The following FRY variants were observed in gnomAD, a reference collection of about 807,000 sequenced individuals.
FRY encodes FRY microtubule binding protein.
FRY carries 128 observed loss-of-function variants against 348.4 expected under a neutral mutation model. That is an observed-to-expected ratio of 0.37 (90% CI 0.32 to 0.43). The LOEUF (loss-of-function observed/expected upper bound fraction) is 0.43, where lower values mean the gene tolerates loss of function less well. Among genes scored for constraint, FRY ranks in the 20% least tolerant of loss-of-function variants. FRY has a pLI of 1.00. For missense variants in FRY, 2,736 were observed against 3,695.2 expected (o/e 0.74, Z 6.73); for synonymous variants, 1,370 against 1,374.7 (o/e 1.00, Z 0.08).
At chr13:32,266,706 A>G (rs1265760405) in intron 54 of FRY, among the ~76,000 whole-genome samples, 1 of 152,228 alleles carries the variant, frequency 6.6e-6, no homozygotes, top group Non-Finnish European at 1.5e-5. Context: ...ACCTCTTGCC[A>G]GGTGCGGTGG....
At chr13:32,253,862 T>C (rs146469995) in intron 50 of FRY, among the ~76,000 whole-genome samples, 1 of 152,334 alleles carries the variant, frequency 6.6e-6, no homozygotes, top group East Asian at 1.9e-4. Context: ...TATATGTGTG[T>C]AAACATGTAT....
chr13:32,121,709 T>G (rs1016388044), intron 4 of FRY, among the ~76,000 whole-genome samples: 1 of 152,214 alleles, frequency 6.6e-6, no homozygotes, highest in African/African-American at 2.4e-5. Context: ...TTGTGAAGAT[T>G]TTCTCCCACT....
rs1889522215 is a variant in FRY, at chr13:32,294,333, T to C, written c.8581-35T>C. 3 of 1,496,830 alleles carry C rather than the reference T, an allele frequency of 2.0e-6. No individual in the cohort carries two copies. In the Admixed American group the frequency reaches 5.1e-5, roughly 25 times the overall value. 92.7% of individuals were successfully genotyped at this position (1,496,830 alleles called of 1,614,324 possible). A position where few individuals can be genotyped will look rare whatever the true frequency, so the allele number is the denominator to read the frequency against. On this transcript the variant is annotated intron_variant, in intron 59 of 60. Coordinates refer to ENST00000542859, the MANE Select transcript of FRY (RefSeq NM_023037.3). ...TGGGATGTAAAATTCCCCCAGCACC[T>C]AAATATAGTTTAAAAAACATTTTTT...
intron 17 of FRY, among the ~76,000 whole-genome samples, chr13:32,163,991 T>G (rs1443015260): frequency 6.6e-6 from 1 of 152,164 alleles, no homozygotes; most frequent in African/African-American, 2.4e-5. Context: ...GGGAAACCCA[T>G]GAAGGGACCT....
intron 50 of FRY, 40 bp downstream of exon 50, chr13:32,251,992 T>C (rs915019387): frequency 1.5e-6 from 2 of 1,331,312 alleles, no homozygotes; most frequent in Admixed American, 3.4e-5. Context: ...TGGTGTCATA[T>C]CTCCTTTTTC....
In FRY at chr13:32,178,393, G is replaced by A; in HGVS notation, c.2638G>A (p.Ala880Thr). The A allele has an allele frequency of 6.2e-7, 1 of 1,614,150 alleles. No homozygotes were observed. Among genetic ancestry groups the A allele is most frequent in the Non-Finnish European group, 8.5e-7 (1 of 1,180,000 alleles). ...PTALSYAWPY[A>T]FTRLQSVMPL... ...AGCCCTCAGCTATGCCTGGCCTTAT[G>A]CCTTCACTCGGCTCCAGTCGGTGAT... Residue 880 changes from alanine to threonine, a missense_variant, in exon 21 of 61, where the codon GCC (alanine) becomes ACC (threonine). This residue lies in a region of FRY where 449 missense variants were observed against 576.9 expected (regional missense o/e 0.78). Coordinates refer to ENST00000542859, the MANE Select transcript of FRY (RefSeq NM_023037.3).
intron 36 of FRY, among the ~76,000 whole-genome samples, chr13:32,222,111 T>C (rs1195148119): frequency 1.3e-5 from 2 of 151,996 alleles, no homozygotes; most frequent in African/African-American, 4.8e-5. Context: ...AAGGTGATAT[T>C]AGGGCAGAGA....
At chr13:32,163,162 A>G (rs969539651) in intron 17 of FRY, among the ~76,000 whole-genome samples, 1 of 152,262 alleles carries the variant, frequency 6.6e-6, no homozygotes, top group East Asian at 1.9e-4. Flanking sequence ...TGCTGTGGAC[A>G]GCATTGGAGA....
At chr13:32,247,839 T>C (rs2025416) in intron 48 of FRY, among the ~76,000 whole-genome samples, 41,797 of 152,152 alleles carry the variant, frequency 0.27, 6,101 homozygotes, top group Non-Finnish European at 0.31. Context: ...ATCCACAATG[T>C]TTCTCCCTGA....
chr13:32,186,518 A>G (rs35089909), intron 27 of FRY, 98 bp downstream of exon 27: 1 of 812,198 alleles, frequency 1.2e-6, no homozygotes, highest in Non-Finnish European at 2.1e-6. Context: ...AATAAATAAT[A>G]CAATATCATA....
chr13:32,287,327 G>A (rs1039274444), intron 58 of FRY, among the ~76,000 whole-genome samples: 2 of 152,136 alleles, frequency 1.3e-5, no homozygotes, highest in Non-Finnish European at 2.9e-5. Context: ...TTCTCAATGT[G>A]CAAGGCAATC....
intron 28 of FRY, among the ~76,000 whole-genome samples, chr13:32,189,178 A>G (rs1374881740): frequency 6.6e-6 from 1 of 152,122 alleles, no homozygotes; most frequent in Non-Finnish European, 1.5e-5. Flanking sequence ...AAGCTTCACT[A>G]TAAATTTGAT....
chr13:32,062,453 C>T (rs938319149), intron 1 of FRY, among the ~76,000 whole-genome samples: 1 of 152,036 alleles, frequency 6.6e-6, no homozygotes, highest in African/African-American at 2.4e-5. Flanking sequence ...CTTTATAGTA[C>T]AGTTAGTAAA....
intron 34 of FRY, among the ~76,000 whole-genome samples, chr13:32,211,493 A>T (rs1404044739): frequency 1.3e-5 from 2 of 152,150 alleles, no homozygotes; most frequent in African/African-American, 4.8e-5. Context: ...CTTAGGGATC[A>T]TAGGGTTAAT....
At chr13:32,145,526 G>GTTTTTTTTTTTTTTT (rs59585678) in intron 11 of FRY, among the ~76,000 whole-genome samples, 1 of 91,476 alleles carries the variant, frequency 1.1e-5, no homozygotes, top group African/African-American at 4.2e-5. Context: ...TGACTGATTT[G>GTTTTTTTTTTTTTTT]TTTTTTTTTT....
At chr13:32,191,860 G>A (rs1414804446) in intron 28 of FRY, among the ~76,000 whole-genome samples, 1 of 152,110 alleles carries the variant, frequency 6.6e-6, no homozygotes, top group Admixed American at 6.5e-5. Flanking sequence ...CACCACCTTG[G>A]GGGTTAAGAT....
At chr13:32,034,426 A>C (rs553359330) in intron 1 of FRY, among the ~76,000 whole-genome samples, 2 of 152,282 alleles carry the variant, frequency 1.3e-5, no homozygotes. Context: ...CTTTATCGGC[A>C]CGTCTACTCT....
At chr13:32,206,744 G>A (rs1468931160) in intron 31 of FRY, among the ~76,000 whole-genome samples, 3 of 152,190 alleles carry the variant, frequency 2.0e-5, no homozygotes, top group Admixed American at 1.3e-4. Flanking sequence ...TTTTAGCTTA[G>A]GGGAAATTAC....
intron 28 of FRY, among the ~76,000 whole-genome samples, chr13:32,189,946 T>C (rs77348680): frequency 1.3e-5 from 2 of 152,072 alleles, no homozygotes; most frequent in East Asian, 3.9e-4. Context: ...AGAAAAAAGA[T>C]GATTTACCAT....
Sources: allele counts gnomAD v4.1 joint callset (sites outside exome capture counted in the v4.1 genomes callset), GRCh38; gene constraint gnomAD v4.1.1; regional missense constraint gnomAD v4.1.1; transcripts MANE v1.5; gene names NCBI Gene and HGNC (gene_info 2026-07-23, HGNC 2026-07-21).